ACOT12: variants seen among roughly 807,000 people sequenced by gnomAD.
ACOT12 encodes acyl-CoA thioesterase 12.
Under a neutral mutation model 67.7 loss-of-function variants are expected in ACOT12, and 51 were observed. That is an observed-to-expected ratio of 0.75 (90% CI 0.60 to 0.95). The LOEUF (loss-of-function observed/expected upper bound fraction) is 0.95. ACOT12 is among the 40% of genes least tolerant of loss of function. The pLI is 0.00. For missense variants in ACOT12, 734 were observed against 708.1 expected, an observed-to-expected ratio of 1.04 and a Z score of -0.41; for synonymous variants, 251 against 244.6, an observed-to-expected ratio of 1.03 and a Z score of -0.24.
At chr5:81,372,689 T>C (rs1326065299) in intron 2 of ACOT12, among the ~76,000 whole-genome samples, 2 of 152,216 alleles carry the variant, frequency 1.3e-5, no homozygotes, top group Non-Finnish European at 2.9e-5. Flanking sequence ...CTCAAACCTA[T>C]TCTATCTCAA....
intron 8 of ACOT12, 130 bp downstream of exon 8, chr5:81,344,761 C>A: frequency 8.3e-7 from 1 of 1,197,882 alleles, no homozygotes; most frequent in Non-Finnish European, 1.2e-6. Context: ...GCCCACTTCA[C>A]TTTGTGATGC....
At chr5:81,329,460 C>T (rs1758749607), downstream of ACOT12, among the ~76,000 whole-genome samples, 1 of 152,040 alleles carries the variant, frequency 6.6e-6, no homozygotes, top group Non-Finnish European at 1.5e-5. Context: ...TAATTATAAC[C>T]AGGCTTACCT....
At position 81,376,568 on chromosome 5, in the gene ACOT12, G is replaced by A. The variant is rs1259532659; in HGVS notation, c.198-4758C>T. On this transcript the variant is annotated intron_variant, in intron 2 of 14. Transcript: ENST00000307624. ...ATCCAGAAGCTGTTTTTCTGAAAAC[G>A]TCAGCAAATAGATAGACCCCTATCC... Among the ~76,000 whole-genome samples, 5 of 151,586 alleles carry A rather than the reference G, an allele frequency of 3.3e-5. No individual in the cohort carries two copies. The East Asian group carries it at 5.8e-4, about 18-fold the overall frequency.
intron 5 of ACOT12, among the ~76,000 whole-genome samples, chr5:81,350,060 G>A (rs1174159606): frequency 6.6e-6 from 1 of 151,410 alleles, no homozygotes; most frequent in Non-Finnish European, 1.5e-5. Flanking sequence ...TTCATGAAAT[G>A]TCTCTTTATA....
the ACOT12 span, among the ~76,000 whole-genome samples, chr5:81,323,619 G>A: frequency 6.6e-6 from 1 of 152,128 alleles, no homozygotes; most frequent in African/African-American, 2.4e-5. Context: ...GCGACAGAAT[G>A]AATAGTTCTG....
At chr5:81,370,359 G>A (rs559742258) in intron 3 of ACOT12, among the ~76,000 whole-genome samples, 1 of 152,214 alleles carries the variant, frequency 6.6e-6, no homozygotes, top group African/African-American at 2.4e-5. Flanking sequence ...CAAAACAGTT[G>A]TTATAACTGA....
At chr5:81,385,700 T>C in intron 2 of ACOT12, 57 bp downstream of exon 2, 3 of 1,527,826 alleles carry the variant, frequency 2.0e-6, no homozygotes, top group Non-Finnish European at 2.7e-6. Context: ...CACCAATACA[T>C]GTCCCAGATG....
At position 81,347,830 on chromosome 5, in the gene ACOT12, A is replaced by G; in HGVS notation, c.597T>C (p.Asn199=). The part of the protein sequence containing the change: ...VLPPHANHHG[N]TFGGQIMAWM... ...ACGCCATAATCTGGCCACCAAATGT[A>G]TTTCCGTGATGGTTTGCATGGGGTG... Residue 199 remains asparagine (N), a synonymous_variant, in exon 6 of 15, where the codon AAT becomes AAC. Transcript: ENST00000307624. 1 of 1,614,156 alleles carries G rather than the reference A, an allele frequency of 6.2e-7. No homozygotes were observed. The highest frequency in any genetic ancestry group is 8.5e-7 in the Non-Finnish European group (1 of 1,180,034).
chr5:81,357,162 C>A (rs962896720), intron 5 of ACOT12, among the ~76,000 whole-genome samples: 149 of 152,290 alleles, frequency 9.8e-4, no homozygotes, highest in Middle Eastern at 3.4e-3. Flanking sequence ...CTTCTCATAG[C>A]CCCTCCTGCA....
rs1279114541 is a variant in ACOT12 at position 81,345,043 on chromosome 5, T to A, written c.774-2A>T. 6.2e-7 allele frequency: 1 copy of A among 1,613,798 alleles called. No homozygotes were observed. Among genetic ancestry groups the A allele is most frequent in the Non-Finnish European group, 8.5e-7 (1 of 1,179,942 alleles). ...TCCACGCGAACTCCAACTTCAACAC[T>A]GTGAAGGGTGATGCAGGGCGGTGGG... On this transcript the variant is annotated splice_acceptor_variant, in intron 7 of 14. Coordinates refer to ENST00000307624, the MANE Select transcript of ACOT12 (RefSeq NM_130767.3). LOFTEE classifies it high-confidence loss of function.
chr5:81,371,876 G>T, intron 2 of ACOT12, 66 bp from the exon 3 acceptor site: 2 of 1,422,598 alleles, frequency 1.4e-6, no homozygotes, highest in South Asian at 1.2e-5. Flanking sequence ...AAGACTTAAA[G>T]ATTACTTAAA....
chr5:81,361,968 A>C (rs1470430795), intron 4 of ACOT12, among the ~76,000 whole-genome samples: 1 of 152,178 alleles, frequency 6.6e-6, no homozygotes, highest in African/African-American at 2.4e-5. Context: ...CTGATTTTTC[A>C]TGGGTCTCTT....
chr5:81,383,104 A>T (rs140144038), intron 2 of ACOT12, among the ~76,000 whole-genome samples: 12 of 152,260 alleles, frequency 7.9e-5, no homozygotes, highest in African/African-American at 2.9e-4. Context: ...CGAATATCAA[A>T]CCCTCACCAG....
At chr5:81,324,508 G>A in the ACOT12 span, among the ~76,000 whole-genome samples, 2 of 152,186 alleles carry the variant, frequency 1.3e-5, no homozygotes, top group Non-Finnish European at 2.9e-5. Flanking sequence ...GAGAAATTAA[G>A]CCTAGAGACA....
chr5:81,321,362 C>T, the ACOT12 span, among the ~76,000 whole-genome samples: 1 of 152,180 alleles, frequency 6.6e-6, no homozygotes, highest in East Asian at 1.9e-4. Context: ...TGTAAGAGCA[C>T]CAGAGGGCTC....
At chr5:81,312,410 C>G in the ACOT12 span, 48 of 658,676 alleles carry the variant, frequency 7.3e-5, 1 homozygote, top group Non-Finnish European at 1.1e-5. Flanking sequence ...TGCTCACTTT[C>G]CTTTAGTGAT....
At chr5:81,343,989 G>A in intron 9 of ACOT12, 108 bp from the exon 10 acceptor site, 1 of 1,211,202 alleles carries the variant, frequency 8.3e-7, no homozygotes, top group Admixed American at 2.1e-5. Flanking sequence ...GATATCAGTG[G>A]AACAACGTGG....
chr5:81,350,980 T>G (rs1759535916), intron 5 of ACOT12, among the ~76,000 whole-genome samples: 1 of 152,228 alleles, frequency 6.6e-6, no homozygotes, highest in Admixed American at 6.5e-5. Flanking sequence ...CCCCCATGCT[T>G]CCTTGCACTG....
intron 13 of ACOT12, among the ~76,000 whole-genome samples, chr5:81,331,543 A>G (rs1580524674): frequency 6.6e-6 from 1 of 152,196 alleles, no homozygotes; most frequent in African/African-American, 2.4e-5. Flanking sequence ...AATAATAATA[A>G]AAACAATACC....
Sources: gnomAD v4.1 joint callset for allele counts (sites outside exome capture counted in the v4.1 genomes callset) on GRCh38, gnomAD v4.1.1 for gene constraint, MANE v1.5 for transcripts, NCBI Gene and HGNC (gene_info 2026-07-23, HGNC 2026-07-21) for gene names.